Variants in FOXP2 observed in about 807,000 individuals in gnomAD.
FOXP2 encodes the protein forkhead box P2.
Under a neutral mutation model 115.8 loss-of-function variants are expected in FOXP2, and 12 were observed. The observed-to-expected ratio is 0.10, with a 90% CI of 0.07 to 0.17. FOXP2 has a LOEUF of 0.17. Among genes scored for constraint, FOXP2 ranks in the 10% least tolerant of loss-of-function variants. The pLI is 1.00. For missense variants in FOXP2, 629 were observed against 843.5 expected, an observed-to-expected ratio of 0.75 and a Z score of 3.15; for synonymous variants, 328 against 297.7, an observed-to-expected ratio of 1.10 and a Z score of -1.05.
chr7:114,490,392 G>A (rs1239045572), intron 2 of FOXP2, among the ~76,000 whole-genome samples: 4 of 152,158 alleles, frequency 2.6e-5, no homozygotes, highest in Non-Finnish European at 5.9e-5. Context: ...AAAAAGATCA[G>A]TGATTGTCAG....
intron 1 of FOXP2, among the ~76,000 whole-genome samples, chr7:114,153,720 A>G (rs1333125246): frequency 2.6e-5 from 4 of 152,112 alleles, no homozygotes; most frequent in Non-Finnish European, 4.4e-5. Context: ...CAAGATTTGT[A>G]GGCATTTTCT....
At chr7:114,355,291 G>C (rs1179613380) in intron 2 of FOXP2, among the ~76,000 whole-genome samples, 3 of 152,068 alleles carry the variant, frequency 2.0e-5, no homozygotes, top group Non-Finnish European at 4.4e-5. Flanking sequence ...ATTCAAATCT[G>C]GAATGAGATC....
chr7:114,305,739 TTA>T (rs1796998235), intron 2 of FOXP2, among the ~76,000 whole-genome samples: 1 of 152,148 alleles, frequency 6.6e-6, no homozygotes, highest in Admixed American at 6.6e-5. Flanking sequence ...ATGAAAACAC[TTA>T]AAGTTTACTG....
chr7:114,516,455 C>T (rs777510029), intron 2 of FOXP2, among the ~76,000 whole-genome samples: 1 of 152,084 alleles, frequency 6.6e-6, no homozygotes, highest in African/African-American at 2.4e-5. Flanking sequence ...ACCATAAAAA[C>T]CCTAGAAGAA....
At chr7:114,339,723 T>A (rs975894903) in intron 2 of FOXP2, among the ~76,000 whole-genome samples, 1 of 151,182 alleles carries the variant, frequency 6.6e-6, no homozygotes, top group Non-Finnish European at 1.5e-5. Flanking sequence ...AGTTCATAAC[T>A]ATTTTTGTGA....
intron 2 of FOXP2, among the ~76,000 whole-genome samples, chr7:114,492,263 T>C (rs1797098540): frequency 6.6e-6 from 1 of 152,116 alleles, no homozygotes; most frequent in Non-Finnish European, 1.5e-5. Flanking sequence ...TGATATCCCC[T>C]TTATCATTTT....
chr7:114,378,701 A>AAAAAAAAAAAAAAAAAAAAAG (rs1554380027), intron 2 of FOXP2, among the ~76,000 whole-genome samples: 8 of 106,754 alleles, frequency 7.5e-5, no homozygotes, highest in African/African-American at 2.1e-4. Flanking sequence ...AAAAAAAAAA[A>AAAAAAAAAAAAAAAAAAAAAG]GGAAAAGAAA....
At chr7:114,655,668 G>T (rs1482091637) in intron 10 of FOXP2, among the ~76,000 whole-genome samples, 1 of 152,008 alleles carries the variant, frequency 6.6e-6, no homozygotes, top group East Asian at 1.9e-4. Flanking sequence ...GAGATTTATG[G>T]TCTCATGTGC....
At chr7:114,235,669 AT>A (rs1381469919) in intron 1 of FOXP2, among the ~76,000 whole-genome samples, 5 of 152,156 alleles carry the variant, frequency 3.3e-5, no homozygotes, top group Non-Finnish European at 7.4e-5. Context: ...ACTGTTCTCA[AT>A]CATGAACACC....
chr7:114,327,575 C>T (rs1797590598), intron 2 of FOXP2, among the ~76,000 whole-genome samples: 1 of 151,266 alleles, frequency 6.6e-6, no homozygotes, highest in Non-Finnish European at 1.5e-5. Flanking sequence ...GATCTTGGCT[C>T]ACCACAACCT....
chr7:114,656,999 G>C (rs535328029), intron 10 of FOXP2, among the ~76,000 whole-genome samples: 7 of 152,242 alleles, frequency 4.6e-5, no homozygotes, highest in African/African-American at 1.7e-4. Context: ...TAGAGAAACA[G>C]AACAATTAGA....
At chr7:114,381,205 A>G (rs10230154) in intron 2 of FOXP2, among the ~76,000 whole-genome samples, 146,768 of 152,268 alleles carry the variant, frequency 0.96, 70,957 homozygotes, top group East Asian at 1. Flanking sequence ...AGTATAGGTT[A>G]GATACATTCC....
chr7:114,645,108 T>C (rs1056444322), intron 8 of FOXP2: 2 of 150,962 alleles, frequency 1.3e-5, no homozygotes, highest in African/African-American at 5.4e-5. Flanking sequence ...AGTTTCTAAT[T>C]AATATTATGT....
intron 1 of FOXP2, among the ~76,000 whole-genome samples, chr7:114,245,163 C>G (rs1234219931): frequency 6.6e-6 from 1 of 152,116 alleles, no homozygotes; most frequent in Non-Finnish European, 1.5e-5. Flanking sequence ...CCCTCTTGGT[C>G]CAGTTTAAGA....
chr7:114,506,423 T>C (rs1797821796), intron 2 of FOXP2, among the ~76,000 whole-genome samples: 1 of 151,674 alleles, frequency 6.6e-6, no homozygotes, highest in African/African-American at 2.4e-5. Context: ...TATATAAGTA[T>C]ACTTTCATGG....
chr7:114,302,875 G>T (rs1796910393), intron 2 of FOXP2, among the ~76,000 whole-genome samples: 1 of 152,138 alleles, frequency 6.6e-6, no homozygotes, highest in African/African-American at 2.4e-5. Context: ...AGGAGCCCCA[G>T]CCTAGAGCCA....
intron 3 of FOXP2, among the ~76,000 whole-genome samples, chr7:114,610,407 TA>T (rs1803565553): frequency 6.6e-6 from 1 of 152,182 alleles, no homozygotes. Context: ...AATTGGTATT[TA>T]AAATGCAGAA....
chr7:114,626,531 A>ATCTC (rs35087540), intron 3 of FOXP2, among the ~76,000 whole-genome samples: 24 of 147,314 alleles, frequency 1.6e-4, no homozygotes, highest in Non-Finnish European at 3.0e-4. Context: ...TAGAAGGCAT[A>ATCTC]TCTCTCTCTC....
chr7:114,166,849 A>G (rs564319829), intron 1 of FOXP2, among the ~76,000 whole-genome samples: 12 of 152,362 alleles, frequency 7.9e-5, no homozygotes, highest in Non-Finnish European at 1.2e-4. Context: ...GTCATTAGCT[A>G]ATTGCAAATT....
Sources: allele counts gnomAD v4.1 joint callset (sites outside exome capture counted in the v4.1 genomes callset), GRCh38; gene constraint gnomAD v4.1.1; transcripts MANE v1.5; gene names NCBI Gene and HGNC (gene_info 2026-07-23, HGNC 2026-07-21).